Variants in CDC25C observed in about 807,000 individuals in gnomAD.
CDC25C encodes cell division cycle 25C.
CDC25C carries 48 observed loss-of-function variants against 52.5 expected under a neutral mutation model. The ratio of observed to expected loss-of-function variants is 0.91; its 90% CI spans 0.72 to 1.16. The LOEUF is 1.16. CDC25C is among the 50% of genes most tolerant of loss of function. The probability of loss-of-function intolerance (pLI) is 0.00; values close to 1 mark genes in which losing one functional copy is unlikely to be tolerated. For synonymous variants in CDC25C, 187 were observed against 206.5 expected (o/e 0.91, Z 0.81); for missense variants, 510 against 566.1 (o/e 0.90, Z 1.01).
chr5:138,287,261 C>A lies in CDC25C; in HGVS notation c.934G>T (p.Ala312Ser). The A allele has an allele frequency of 2.5e-6, 4 of 1,612,636 alleles. No individual in the cohort carries two copies. Among genetic ancestry groups the A allele is most frequent in the South Asian group, 1.1e-5 (1 of 91,042 alleles). The part of the protein sequence containing the change: ...LKYVNPETVA[A>S]LLSGKFQGLI... Reference sequence around the variant, plus strand: ...CCCTGGAACTTCCCCGACAGTAAGGCAGCCACCTGGACAGAAACAATGACT... The same window carrying A: ...CCCTGGAACTTCCCCGACAGTAAGGAAGCCACCTGGACAGAAACAATGACT... The change falls in exon 11 of 14, where the codon GCC (alanine) becomes TCC (serine). Residue 312 changes from alanine to serine, a missense_variant. Physicochemically the swap from Ala to Ser is moderately conservative, Grantham distance 99 (BLOSUM62 1). Coordinates refer to ENST00000323760, the MANE Select transcript of CDC25C (RefSeq NM_001790.5).
intron 7 of CDC25C, among the ~76,000 whole-genome samples, chr5:138,311,373 C>T (rs1178340751): frequency 2.0e-5 from 3 of 152,100 alleles, no homozygotes; most frequent in African/African-American, 4.8e-5. Context: ...GCAAGAGGAT[C>T]GCTTGAGGCC....
At chr5:138,323,726 C>T (rs1008269589) in intron 6 of CDC25C, among the ~76,000 whole-genome samples, 6 of 151,624 alleles carry the variant, frequency 4.0e-5, no homozygotes, top group Admixed American at 1.3e-4. Flanking sequence ...TTTGGGAGGC[C>T]GAGGTGGGTG....
upstream of CDC25C, chr5:138,331,914 A>G (rs1760427042): frequency 1.0e-6 from 1 of 985,426 alleles, no homozygotes; most frequent in Non-Finnish European, 1.2e-6. Flanking sequence ...CCAGGGCCTC[A>G]TGGCCTATCG....
At chr5:138,328,437 A>G in intron 4 of CDC25C, 47 bp downstream of exon 4, 1 of 1,546,480 alleles carries the variant, frequency 6.5e-7, no homozygotes, top group Non-Finnish European at 8.9e-7. Flanking sequence ...CTCTATGACC[A>G]GTGCTAAAAG....
chr5:138,326,827 C>G (rs910072589), intron 4 of CDC25C, among the ~76,000 whole-genome samples: 2 of 151,838 alleles, frequency 1.3e-5, no homozygotes, highest in Non-Finnish European at 2.9e-5. Context: ...TGGCGCATGC[C>G]TGTAATCCCA....
intron 4 of CDC25C, among the ~76,000 whole-genome samples, chr5:138,326,434 C>A (rs186570215): frequency 6.6e-6 from 1 of 152,058 alleles, no homozygotes; most frequent in Non-Finnish European, 1.5e-5. Flanking sequence ...CTCTGCCTCC[C>A]GGTTTCACGC....
At position 138,331,202 on chromosome 5, in the gene CDC25C, A is replaced by G. The variant is rs918615739; in HGVS notation, c.-22T>C. ...ACATGGTCTTCGAATTCTCACCAGG[A>G]GAAAAACAAAACCTAGCTAGGAGGA... On this transcript the variant is annotated 5_prime_UTR_variant, in exon 2 of 14. Coordinates refer to ENST00000323760, the MANE Select transcript of CDC25C (RefSeq NM_001790.5). 6.2e-6 allele frequency: 10 copies of G among 1,612,226 alleles called. No individual in the cohort carries two copies. The African/African-American group carries it at 1.2e-4, about 19-fold the overall frequency.
intron 10 of CDC25C, among the ~76,000 whole-genome samples, chr5:138,288,366 T>G (rs1188372659): frequency 1.3e-5 from 2 of 151,740 alleles, no homozygotes; most frequent in Non-Finnish European, 2.9e-5. Flanking sequence ...TGAGCTGTGC[T>G]AGGCCCATGA....
At chr5:138,288,330 C>A (rs796161912) in intron 10 of CDC25C, among the ~76,000 whole-genome samples, 1 of 152,254 alleles carries the variant, frequency 6.6e-6, no homozygotes, top group East Asian at 1.9e-4. Flanking sequence ...CTGCCTTGGC[C>A]TCTCAAAGTG....
exon 1 of CDC25C, chr5:138,338,282 C>T (rs1760865084): frequency 2.3e-6 from 2 of 869,082 alleles, no homozygotes; most frequent in Non-Finnish European, 3.3e-6. Flanking sequence ...GCTCCGGCCG[C>T]GGCCCTGGGA....
At chr5:138,290,845 C>T (rs1756646351) in intron 8 of CDC25C, 105 bp from the exon 9 acceptor site, 8 of 715,686 alleles carry the variant, frequency 1.1e-5, no homozygotes, top group African/African-American at 5.3e-5. Flanking sequence ...ATCCTAGCTA[C>T]ATGGGAGGCT....
chr5:138,293,796 A>G (rs1245165971), intron 7 of CDC25C, among the ~76,000 whole-genome samples: 1 of 151,758 alleles, frequency 6.6e-6, no homozygotes, highest in Non-Finnish European at 1.5e-5. Context: ...ACAGATGCGC[A>G]TCACCATGCC....
chr5:138,301,510 A>C (rs1030436906), intron 7 of CDC25C, among the ~76,000 whole-genome samples: 18 of 152,026 alleles, frequency 1.2e-4, no homozygotes, highest in African/African-American at 4.3e-4. Context: ...ATCGTGCCAA[A>C]CATCTAAAAG....
At position 138,326,371 on chromosome 5, in the gene CDC25C, G is replaced by T. The variant is rs181128844; in HGVS notation, c.336-317C>A. Among the ~76,000 whole-genome samples, 267 of 151,712 alleles carry T rather than the reference G, an allele frequency of 1.8e-3. 2 individuals are homozygous for T. The highest frequency in any genetic ancestry group is 6.1e-3 in the African/African-American group (253 of 41,406). ...GGGCTAATTTTTTTTTTTTGAGACG[G>T]AATCTGGCTCTGTCACTCAGGCTGG... On this transcript the variant is annotated intron_variant, in intron 4 of 13. Transcript: ENST00000323760.
In CDC25C at chr5:138,286,634, T is replaced by A. The variant is rs1385069583; in HGVS notation, c.1027-4A>T. The A allele has an allele frequency of 6.2e-7, 1 of 1,606,894 alleles. No individual in the cohort carries two copies. The highest frequency in any genetic ancestry group is 1.1e-5 in the South Asian group (1 of 90,184). Reference sequence around the variant, plus strand: ...GACTATATAAGTTTAAGGCTCCCTGTAGAAGAAGAATTTTAGTAAGTATTT... The same window carrying A: ...GACTATATAAGTTTAAGGCTCCCTGAAGAAGAAGAATTTTAGTAAGTATTT... On this transcript the variant is annotated splice_region_variant and splice_polypyrimidine_tract_variant and intron_variant, in intron 11 of 13. Coordinates refer to ENST00000323760, the MANE Select transcript of CDC25C (RefSeq NM_001790.5).
In CDC25C at chr5:138,287,410, C is replaced by T. The variant is rs1459480610; in HGVS notation, c.928-143G>A. 1.0e-4 allele frequency: 60 copies of T among 581,762 alleles called. 2 individuals are homozygous for T. The South Asian group carries it at 1.2e-3, about 12-fold the overall frequency. The allele number at this position is 581,762 out of a possible 1,614,324, so 36.0% of individuals were successfully genotyped here. ...AAGTCACCCCATATTTGATATGTGG[C>T]AATGATTCAGCCCCACTCCACAAAA... On this transcript the variant is annotated intron_variant, in intron 10 of 13. Coordinates refer to ENST00000323760, the MANE Select transcript of CDC25C (RefSeq NM_001790.5).
intron 7 of CDC25C, among the ~76,000 whole-genome samples, chr5:138,293,443 G>A (rs35931944): frequency 0.26 from 39,035 of 151,926 alleles, 6,161 homozygotes; most frequent in South Asian, 0.42. Flanking sequence ...AGGTAGGGTA[G>A]GAAAGGAGAT....
At chr5:138,303,892 T>C (rs1401389815) in intron 7 of CDC25C, among the ~76,000 whole-genome samples, 2 of 152,154 alleles carry the variant, frequency 1.3e-5, no homozygotes, top group East Asian at 1.9e-4. Context: ...TAGGACACAG[T>C]GTGAAGGAAG....
At chr5:138,314,373 G>A (rs1758705031) in intron 7 of CDC25C, among the ~76,000 whole-genome samples, 1 of 150,634 alleles carries the variant, frequency 6.6e-6, no homozygotes, top group South Asian at 2.1e-4. Context: ...TTGGCTCAAT[G>A]CAACCTCCAC....
Sources: gnomAD v4.1 joint callset for allele counts (sites outside exome capture counted in the v4.1 genomes callset) on GRCh38, gnomAD v4.1.1 for gene constraint, MANE v1.5 for transcripts, NCBI Gene and HGNC (gene_info 2026-07-23, HGNC 2026-07-21) for gene names.